The following FAM168A variants were observed in gnomAD, a reference collection of about 807,000 sequenced individuals.
FAM168A encodes family with sequence similarity 168 member A.
FAM168A carries 3 observed loss-of-function variants against 28.5 expected under a neutral mutation model. The ratio of observed to expected loss-of-function variants is 0.11; its 90% confidence interval spans 0.05 to 0.27. The LOEUF (loss-of-function observed/expected upper bound fraction) is 0.27. Ranked by LOEUF, FAM168A falls within the 10% of genes least tolerant of loss-of-function variation. The probability of loss-of-function intolerance (pLI) is 1.00; values close to 1 mark genes in which losing one functional copy is unlikely to be tolerated. For synonymous variants in FAM168A, 122 were observed against 124.2 expected (o/e 0.98, Z 0.12); for missense variants, 222 against 311.5 (o/e 0.71, Z 2.16).
At chr11:73,415,616 A>ATGGGG (rs1866683102) in intron 4 of FAM168A, among the ~76,000 whole-genome samples, 1 of 152,260 alleles carries the variant, frequency 6.6e-6, no homozygotes, top group Non-Finnish European at 1.5e-5. Flanking sequence ...AGGACTTTCC[A>ATGGGG]TAATTTACTA....
intron 3 of FAM168A, among the ~76,000 whole-genome samples, chr11:73,422,218 C>G (rs1866805672): frequency 6.6e-6 from 1 of 152,104 alleles, no homozygotes; most frequent in South Asian, 2.1e-4. Context: ...CCAGGTTAAC[C>G]AGGAAAGAAG....
At chr11:73,450,746 T>C (rs1867412939) in intron 2 of FAM168A, among the ~76,000 whole-genome samples, 1 of 150,514 alleles carries the variant, frequency 6.6e-6, no homozygotes, top group Non-Finnish European at 1.5e-5. Flanking sequence ...AGACCCTGAA[T>C]GCTCAGAACA....
chr11:73,544,149 T>A (rs189119515), intron 1 of FAM168A, among the ~76,000 whole-genome samples: 1 of 151,596 alleles, frequency 6.6e-6, no homozygotes, highest in East Asian at 1.9e-4. Context: ...AGAAAAAAAA[T>A]AGTAACAAGG....
intron 1 of FAM168A, among the ~76,000 whole-genome samples, chr11:73,581,583 C>G (rs547912156): frequency 1.3e-5 from 2 of 152,290 alleles, no homozygotes; most frequent in African/African-American, 4.8e-5. Context: ...CCAGAATTGT[C>G]CACACATAAG....
chr11:73,572,739 G>A (rs1395823712), intron 1 of FAM168A, among the ~76,000 whole-genome samples: 1 of 150,724 alleles, frequency 6.6e-6, no homozygotes, highest in Admixed American at 6.6e-5. Context: ...CAAACACTGC[G>A]GAAGGCCACA....
At chr11:73,508,713 GT>G (rs1271501489) in intron 1 of FAM168A, among the ~76,000 whole-genome samples, 4 of 152,076 alleles carry the variant, frequency 2.6e-5, no homozygotes, top group African/African-American at 9.7e-5. Flanking sequence ...GACCACAGTA[GT>G]TCTCTCAGTC....
chr11:73,473,897 T>C (rs951542256), intron 1 of FAM168A, among the ~76,000 whole-genome samples: 3 of 151,792 alleles, frequency 2.0e-5, no homozygotes, highest in African/African-American at 7.3e-5. Flanking sequence ...CACTGCAACC[T>C]CTGCCTCCCA....
intron 1 of FAM168A, among the ~76,000 whole-genome samples, chr11:73,556,879 AT>A (rs1943897989): frequency 6.6e-6 from 1 of 151,954 alleles, no homozygotes; most frequent in Non-Finnish European, 1.5e-5. Flanking sequence ...AAATACAAAA[AT>A]TGACCAGGCA....
chr11:73,447,557 C>CAA (rs1183575850), intron 2 of FAM168A, among the ~76,000 whole-genome samples: 15 of 89,510 alleles, frequency 1.7e-4, no homozygotes, highest in Admixed American at 3.9e-4. Flanking sequence ...GACCCTGTCT[C>CAA]AAAAAAAAAA....
At chr11:73,545,326 G>A (rs536165037) in intron 1 of FAM168A, among the ~76,000 whole-genome samples, 266 of 151,298 alleles carry the variant, frequency 1.8e-3, no homozygotes, top group Non-Finnish European at 2.8e-3. Flanking sequence ...ACACCCAGCC[G>A]AACCTTGAAA....
At chr11:73,441,754 G>C (rs1398216666) in intron 2 of FAM168A, among the ~76,000 whole-genome samples, 1 of 152,120 alleles carries the variant, frequency 6.6e-6, no homozygotes, top group South Asian at 2.1e-4. Flanking sequence ...TTTCTTTCTA[G>C]GAATTTGTCT....
chr11:73,413,145 C>T (rs1866641876), intron 4 of FAM168A, among the ~76,000 whole-genome samples: 1 of 152,204 alleles, frequency 6.6e-6, no homozygotes, highest in Non-Finnish European at 1.5e-5. Flanking sequence ...GTCCACATCA[C>T]ACCTCTTTGG....
In FAM168A at chr11:73,520,199, C is replaced by T. The variant is rs1263569376; in HGVS notation, c.-18-51707G>A. 3.3e-5 allele frequency among the ~76,000 whole-genome samples: 5 copies of T among 151,924 alleles called. 1 individual carries two copies. The East Asian group carries it at 9.6e-4, about 29-fold the overall frequency. ...TAGCTGGGACTACAGGCGTGCACCA[C>T]CATGCCCAGCTAATTTTTTTTTTTA... On this transcript the variant is annotated intron_variant, in intron 1 of 7. Transcript: ENST00000356467.
intron 1 of FAM168A, among the ~76,000 whole-genome samples, chr11:73,530,093 GTAAT>G (rs1943498006): frequency 6.6e-6 from 1 of 152,042 alleles, no homozygotes; most frequent in East Asian, 1.9e-4. Flanking sequence ...GGCCCAAACA[GTAAT>G]TAATGATCAA....
chr11:73,422,161 C>T (rs921203181), intron 3 of FAM168A, among the ~76,000 whole-genome samples: 1 of 152,110 alleles, frequency 6.6e-6, no homozygotes, highest in Non-Finnish European at 1.5e-5. Flanking sequence ...AGCCACACGC[C>T]AACCAGGGAG....
rs536718385 is a variant in FAM168A at position 73,506,162 on chromosome 11, C to CAAG, written c.-18-37673_-18-37671dup. 3.2e-3 allele frequency among the ~76,000 whole-genome samples: 488 copies of CAAG among 152,090 alleles called. 4 individuals carry two copies. The highest frequency in any genetic ancestry group is 6.8e-3 in the Middle Eastern group (2 of 294). On this transcript the variant is annotated intron_variant, in intron 1 of 7. Transcript: ENST00000356467. ...ATCAAAACCAACAAGCCTCAAATACCAAGAAGAAGAGGTAAATTATACATC... is the reference window on the plus strand; with the variant it reads ...ATCAAAACCAACAAGCCTCAAATACCAAGAAGAAGAAGAGGTAAATTATACATC...
intron 1 of FAM168A, among the ~76,000 whole-genome samples, chr11:73,536,163 A>G (rs185630253): frequency 2.4e-4 from 37 of 152,246 alleles, no homozygotes; most frequent in Admixed American, 2.1e-3. Flanking sequence ...AAAACTTCTA[A>G]TCAGCTTTTT....
rs937582369 is a variant in FAM168A at position 73,403,684 on chromosome 11, A to G, written c.*3079T>C. The G allele has an allele frequency of 2.6e-5, 4 of 152,224 alleles. No homozygotes were observed. Among genetic ancestry groups the G allele is most frequent in the Non-Finnish European group, 5.9e-5 (4 of 68,048 alleles). The allele number at this position is 152,224 out of a possible 1,614,324, so 9.4% of individuals were successfully genotyped here. A position where few individuals can be genotyped will look rare whatever the true frequency, so the allele number is the denominator to read the frequency against. ...TAACTGTGCCCATCCTACCAGAGGC[A>G]CATGACTGTCCCCGCTCTCCTGGGC... is the stretch of plus-strand genomic sequence containing the variant. On this transcript the variant is annotated 3_prime_UTR_variant, in exon 8 of 8. Transcript: ENST00000356467.
intron 2 of FAM168A, among the ~76,000 whole-genome samples, chr11:73,467,750 T>C (rs2134575101): frequency 6.6e-6 from 1 of 152,264 alleles, no homozygotes; most frequent in Middle Eastern, 3.4e-3. Flanking sequence ...CACTCTGAAC[T>C]GGAAAGGGGA....
Sources: gnomAD v4.1 joint callset for allele counts (sites outside exome capture counted in the v4.1 genomes callset) on GRCh38, gnomAD v4.1.1 for gene constraint, MANE v1.5 for transcripts, NCBI Gene and HGNC (gene_info 2026-07-23, HGNC 2026-07-21) for gene names.